Variants in DAAM1 observed in about 807,000 individuals in gnomAD.
DAAM1 encodes disheveled-associated activator of morphogenesis 1.
DAAM1 carries 52 observed loss-of-function variants against 130.0 expected under a neutral mutation model. The ratio of observed to expected loss-of-function variants is 0.40; its 90% CI spans 0.32 to 0.50. The LOEUF is 0.50. Among genes scored for constraint, DAAM1 ranks in the 20% least tolerant of loss-of-function variants. The pLI is 0.61. For missense variants in DAAM1, 1,134 were observed against 1,303.8 expected (o/e 0.87, Z 2.01); for synonymous variants, 452 against 444.5 (o/e 1.02, Z -0.21).
chr14:59,289,784 A>ATATATATATATATACATATATAT, intron 2 of DAAM1, among the ~76,000 whole-genome samples: 1 of 128,706 alleles, frequency 7.8e-6, no homozygotes, highest in African/African-American at 2.9e-5. Flanking sequence ...ATATATATAT[A>ATATATATATATATACATATATAT]ATGGAATGCT....
intron 17 of DAAM1, among the ~76,000 whole-genome samples, chr14:59,349,285 T>TTACTGTA (rs1886197877): frequency 6.6e-6 from 1 of 152,252 alleles, no homozygotes; most frequent in African/African-American, 2.4e-5. Flanking sequence ...CAAGATCTGT[T>TTACTGTA]TACTGTGGAA....
In DAAM1 at chr14:59,331,694, G is replaced by A. The variant is rs1044778432; in HGVS notation, c.1861-119G>A. 6.0e-5 allele frequency: 89 copies of A among 1,491,806 alleles called. 1 individual carries two copies. The East Asian group carries it at 8.4e-4, about 14-fold the overall frequency. The allele number at this position is 1,491,806 out of a possible 1,614,324, so 92.4% of individuals were successfully genotyped here. ...ATAAATGACACATTGTTTGAAACCCGTCACTTTGAGTGTCTGGTAGACTGA... is the reference window on the plus strand; with the variant it reads ...ATAAATGACACATTGTTTGAAACCCATCACTTTGAGTGTCTGGTAGACTGA... On this transcript the variant is annotated intron_variant, in intron 14 of 24. Coordinates refer to ENST00000360909, the MANE Select transcript of DAAM1 (RefSeq NM_001270520.2).
At chr14:59,269,496 A>G (rs1882612455) in intron 2 of DAAM1, among the ~76,000 whole-genome samples, 2 of 152,228 alleles carry the variant, frequency 1.3e-5, no homozygotes, top group African/African-American at 4.8e-5. Flanking sequence ...ATAACTCAGC[A>G]TTAAATTTCT....
chr14:59,224,181 G>T (rs1046951914), intron 1 of DAAM1, among the ~76,000 whole-genome samples: 3 of 152,220 alleles, frequency 2.0e-5, no homozygotes, highest in African/African-American at 7.2e-5. Flanking sequence ...AGCATACCAG[G>T]TACCAGGTGA....
At chr14:59,195,583 T>G (rs368466849) in intron 1 of DAAM1, among the ~76,000 whole-genome samples, 1 of 152,216 alleles carries the variant, frequency 6.6e-6, no homozygotes, top group African/African-American at 2.4e-5. Context: ...CCTATTAAAC[T>G]GGTCTTTGTC....
chr14:59,342,209 T>C (rs887283770), intron 16 of DAAM1, among the ~76,000 whole-genome samples: 41 of 152,320 alleles, frequency 2.7e-4, no homozygotes, highest in African/African-American at 9.9e-4. Flanking sequence ...TAAGTATTAT[T>C]ACAGTGAGCA....
intron 10 of DAAM1, 30 bp downstream of exon 10, chr14:59,326,107 T>C: frequency 6.3e-7 from 1 of 1,593,114 alleles, no homozygotes; most frequent in South Asian, 1.1e-5. Flanking sequence ...ACATGTGTGC[T>C]TCTGAATGTT....
intron 17 of DAAM1, 119 bp from the exon 18 acceptor site, chr14:59,352,407 C>T (rs1886323497): frequency 1.4e-6 from 1 of 711,574 alleles, no homozygotes; most frequent in East Asian, 2.7e-5. Context: ...GTGAGCAGAG[C>T]TTATACACTC....
At chr14:59,286,193 A>G (rs768879943) in intron 2 of DAAM1, among the ~76,000 whole-genome samples, 4 of 152,194 alleles carry the variant, frequency 2.6e-5, no homozygotes, top group Non-Finnish European at 5.9e-5. Flanking sequence ...GAATGAAATT[A>G]AGGCAAAAGT....
At chr14:59,198,270 A>G (rs1210165808) in intron 1 of DAAM1, among the ~76,000 whole-genome samples, 54 of 149,432 alleles carry the variant, frequency 3.6e-4, no homozygotes, top group African/African-American at 1.0e-3. Flanking sequence ...CAGTGGTGCA[A>G]TCTTGGCTCA....
At chr14:59,225,929 T>TAC (rs1029665672) in intron 1 of DAAM1, among the ~76,000 whole-genome samples, 2 of 152,144 alleles carry the variant, frequency 1.3e-5, no homozygotes, top group Non-Finnish European at 2.9e-5. Context: ...AATTGATATA[T>TAC]ATATTAATTG....
intron 2 of DAAM1, among the ~76,000 whole-genome samples, chr14:59,269,437 G>A (rs1882609987): frequency 6.6e-6 from 1 of 152,226 alleles, no homozygotes; most frequent in African/African-American, 2.4e-5. Flanking sequence ...CCTTTGGGGA[G>A]CTCTACAGTT....
chr14:59,238,672 A>G (rs559941481), intron 1 of DAAM1, among the ~76,000 whole-genome samples: 2 of 152,332 alleles, frequency 1.3e-5, no homozygotes, highest in South Asian at 2.1e-4. Context: ...AACCCCTGAC[A>G]TGTAGCGGCT....
rs1298420137 is a variant in DAAM1, at chr14:59,371,105, A to C, written c.*2246A>C. On this transcript the variant is annotated 3_prime_UTR_variant, in exon 25 of 25. Transcript: ENST00000360909. ...GTGCCATTGTTGAAAAGAAAAAAAAAAAACAAAAAAAAAACCTACTTTTTA... is the reference window on the plus strand; with the variant it reads ...GTGCCATTGTTGAAAAGAAAAAAAACAAACAAAAAAAAAACCTACTTTTTA... 1.7e-4 allele frequency: 5 copies of C among 29,222 alleles called. 1 individual carries two copies. The highest frequency in any genetic ancestry group is 0.02 in the East Asian group (1 of 50). The allele number at this position is 29,222 out of a possible 1,614,324, so 1.8% of individuals were successfully genotyped here. A position where few individuals can be genotyped will look rare whatever the true frequency, so the allele number is the denominator to read the frequency against.
chr14:59,318,399 C>A (rs949561103), intron 4 of DAAM1, among the ~76,000 whole-genome samples: 1 of 151,244 alleles, frequency 6.6e-6, no homozygotes, highest in African/African-American at 2.4e-5. Context: ...TGCAAGGATG[C>A]GCTTTGTCCT....
At chr14:59,236,207 T>G (rs1889291290) in intron 1 of DAAM1, among the ~76,000 whole-genome samples, 1 of 152,126 alleles carries the variant, frequency 6.6e-6, no homozygotes, top group Admixed American at 6.6e-5. Context: ...TCAGGTAATT[T>G]TTAGCAGATC....
chr14:59,316,416 C>A (rs545566466), intron 4 of DAAM1, among the ~76,000 whole-genome samples: 1 of 152,218 alleles, frequency 6.6e-6, no homozygotes, highest in South Asian at 2.1e-4. Flanking sequence ...GTAACTTCCT[C>A]TTTTTTAGCT....
chr14:59,368,934 C>T lies in DAAM1; in HGVS notation c.*75C>T, dbSNP rs892062239. 130 of 1,401,176 alleles carry T rather than the reference C, an allele frequency of 9.3e-5. No individual in the cohort carries two copies. The highest frequency in any genetic ancestry group is 1.2e-4 in the Non-Finnish European group (122 of 1,032,038). The allele number at this position is 1,401,176 out of a possible 1,614,324, so 86.8% of individuals were successfully genotyped here. A position where few individuals can be genotyped will look rare whatever the true frequency, so the allele number is the denominator to read the frequency against. On this transcript the variant is annotated 3_prime_UTR_variant, in exon 25 of 25. Transcript: ENST00000360909. ...TGACTAGAACGTTTCATTACACTGCCTTGCAATCCAAACAGTGGCAATTTT... is the reference window on the plus strand; with the variant it reads ...TGACTAGAACGTTTCATTACACTGCTTTGCAATCCAAACAGTGGCAATTTT...
At chr14:59,308,039 T>C (rs1884439316) in intron 3 of DAAM1, among the ~76,000 whole-genome samples, 1 of 152,244 alleles carries the variant, frequency 6.6e-6, no homozygotes, top group Admixed American at 6.5e-5. Flanking sequence ...GTGTCTTTTA[T>C]TCTAAGTCAT....
Sources: gnomAD v4.1 joint callset for allele counts (sites outside exome capture counted in the v4.1 genomes callset) on GRCh38, gnomAD v4.1.1 for gene constraint, MANE v1.5 for transcripts, NCBI Gene and HGNC (gene_info 2026-07-23, HGNC 2026-07-21) for gene names.